Variants in SLBP observed in about 807,000 individuals in gnomAD.
SLBP encodes the protein stem-loop histone mRNA binding protein.
A neutral mutation model predicts 39.2 loss-of-function variants in SLBP; 29 were observed. The ratio of observed to expected loss-of-function variants is 0.74; its 90% CI spans 0.55 to 1.01. The LOEUF (loss-of-function observed/expected upper bound fraction) is 1.01, where lower values mean the gene tolerates loss of function less well. SLBP is among the 50% of genes least tolerant of loss of function. The pLI is 0.00. For missense variants in SLBP, 390 were observed against 350.2 expected (o/e 1.11, Z -0.91); for synonymous variants, 129 against 118.7 (o/e 1.09, Z -0.57).
intron 6 of SLBP, 66 bp from the exon 7 acceptor site, chr4:1,694,906 C>G (rs557103705): frequency 9.4e-7 from 1 of 1,061,906 alleles, no homozygotes; most frequent in East Asian, 2.4e-5. Flanking sequence ...CGGGGCGCTA[C>G]AGACAAACCC....
At chr4:1,705,134 C>T (rs1275697675) in intron 2 of SLBP, among the ~76,000 whole-genome samples, 1 of 152,132 alleles carries the variant, frequency 6.6e-6, no homozygotes, top group African/African-American at 2.4e-5. Context: ...TCCATGTTGG[C>T]CAGGCTGGTC....
intron 5 of SLBP, among the ~76,000 whole-genome samples, chr4:1,697,332 G>C (rs1172246643): frequency 6.6e-6 from 1 of 151,442 alleles, no homozygotes; most frequent in African/African-American, 2.4e-5. Flanking sequence ...AGCCAGGCGT[G>C]GTGGTAGACA....
intron 2 of SLBP, among the ~76,000 whole-genome samples, chr4:1,704,435 T>G (rs1307916324): frequency 1.3e-5 from 2 of 152,326 alleles, no homozygotes; most frequent in South Asian, 2.1e-4. Context: ...TTAATTTGTC[T>G]CTATGCCATT....
At chr4:1,705,211 G>C (rs933059176) in intron 2 of SLBP, among the ~76,000 whole-genome samples, 11 of 152,122 alleles carry the variant, frequency 7.2e-5, no homozygotes, top group African/African-American at 2.7e-4. Context: ...ATAGCTGTGA[G>C]CCACCGTACC....
intron 5 of SLBP, among the ~76,000 whole-genome samples, chr4:1,698,793 A>AT (rs201493261): frequency 0.018 from 2,693 of 146,388 alleles, 39 homozygotes; most frequent in Middle Eastern, 0.029. Context: ...CAAAAGTAAA[A>AT]TTTTTTTTTT....
intron 2 of SLBP, among the ~76,000 whole-genome samples, chr4:1,710,395 AAGGCTTG>A (rs1489985904): frequency 1.2e-4 from 19 of 152,342 alleles, no homozygotes; most frequent in Admixed American, 1.2e-3. Context: ...TTCAGACCTA[AAGGCTTG>A]AGTCATTCTT....
At chr4:1,707,543 G>A (rs907776240) in intron 2 of SLBP, among the ~76,000 whole-genome samples, 1 of 151,898 alleles carries the variant, frequency 6.6e-6, no homozygotes, top group Admixed American at 6.6e-5. Flanking sequence ...TTAAGGCTTC[G>A]AGCCCCAAAT....
In SLBP at chr4:1,712,220, C is replaced by CGAGGCT; in HGVS notation, c.-38_-33dup. The CGAGGCT allele has an allele frequency of 8.0e-7, 1 of 1,245,204 alleles. No individual in the cohort carries two copies. Among genetic ancestry groups the CGAGGCT allele is most frequent in the Non-Finnish European group, 1.0e-6 (1 of 984,848 alleles). The allele number at this position is 1,245,204 out of a possible 1,614,324, so 77.1% of individuals were successfully genotyped here. On this transcript the variant is annotated 5_prime_UTR_variant, in exon 1 of 8. Transcript: ENST00000489418. ...ACGGGCCGGGCGCGCAGCGCAGGGC[C>CGAGGCT]GAGGCTGAGGCGGCGGCGGCGCGGG...
At chr4:1,709,320 G>C (rs956552032) in intron 2 of SLBP, among the ~76,000 whole-genome samples, 2 of 152,210 alleles carry the variant, frequency 1.3e-5, no homozygotes, top group African/African-American at 4.8e-5. Context: ...ACAGTAAGTT[G>C]TGAAAAGCCA....
chr4:1,696,479 AT>A (rs1243027665), intron 5 of SLBP, 128 bp from the exon 6 acceptor site: 4 of 774,526 alleles, frequency 5.2e-6, no homozygotes, highest in African/African-American at 1.8e-5. Context: ...ATGGTGGCTC[AT>A]GCCTGTAATC....
chr4:1,702,811 T>A (rs1380455598), intron 3 of SLBP, among the ~76,000 whole-genome samples: 1 of 152,174 alleles, frequency 6.6e-6, no homozygotes, highest in Admixed American at 6.5e-5. Context: ...CCTTTCCTTG[T>A]ATGTTGGCAT....
intron 2 of SLBP, among the ~76,000 whole-genome samples, chr4:1,706,343 A>G (rs1189606561): frequency 6.6e-6 from 1 of 152,202 alleles, no homozygotes; most frequent in Non-Finnish European, 1.5e-5. Flanking sequence ...CATGTAATTA[A>G]TAATTCAGAA....
intron 2 of SLBP, among the ~76,000 whole-genome samples, chr4:1,709,634 C>T (rs1424372430): frequency 6.9e-6 from 1 of 144,036 alleles, no homozygotes. Flanking sequence ...TTTTTTGAGA[C>T]GGAGTCTCGC....
At chr4:1,706,899 G>A (rs371839656) in intron 2 of SLBP, among the ~76,000 whole-genome samples, 137 of 151,300 alleles carry the variant, frequency 9.1e-4, no homozygotes, top group African/African-American at 2.8e-3. Context: ...TTGGGAGGCC[G>A]AGGTAGGTAG....
chr4:1,703,633 C>T lies in SLBP; in HGVS notation c.244G>A (p.Asp82Asn), dbSNP rs749113394. 6.8e-6 allele frequency: 11 copies of T among 1,613,846 alleles called. No individual in the cohort carries two copies. Among genetic ancestry groups the T allele is most frequent in the Non-Finnish European group, 9.3e-6 (11 of 1,179,688 alleles). The change falls in exon 3 of 8, where the codon GAT becomes AAT. Residue 82 changes from aspartate to asparagine, a missense_variant. Transcript: ENST00000489418. ...TTGTTAACTCTGGTCCTCATTTCAT[C>T]TTCTTCAACTGCACTTGCCCAGTCA... ...CSDWASAVEEDEMRTRVNKEM... is the reference protein window; with the variant it reads ...CSDWASAVEENEMRTRVNKEM...
intron 3 of SLBP, among the ~76,000 whole-genome samples, chr4:1,702,337 T>C (rs985143399): frequency 6.6e-6 from 1 of 152,230 alleles, no homozygotes; most frequent in African/African-American, 2.4e-5. Context: ...CACATTTTGA[T>C]ACCAGAAGAA....
intron 2 of SLBP, among the ~76,000 whole-genome samples, chr4:1,706,725 G>C (rs1716530202): frequency 6.6e-6 from 1 of 152,180 alleles, no homozygotes; most frequent in African/African-American, 2.4e-5. Flanking sequence ...AGAATCCCTT[G>C]GACCCAGGAG....
intron 5 of SLBP, among the ~76,000 whole-genome samples, chr4:1,696,748 AT>A (rs1337216268): frequency 6.6e-6 from 1 of 151,900 alleles, no homozygotes; most frequent in African/African-American, 2.4e-5. Flanking sequence ...AAATGCAAAA[AT>A]TAGCCGGGCG....
rs1232642079 is a variant in SLBP at position 1,712,245 on chromosome 4, G to A, written c.-57C>T. The A allele has an allele frequency of 5.6e-6, 6 of 1,066,574 alleles. No individual in the cohort carries two copies. Among genetic ancestry groups the A allele is most frequent in the African/African-American group, 1.7e-5 (1 of 59,416 alleles). 66.1% of individuals were successfully genotyped at this position (1,066,574 alleles called of 1,614,324 possible). A position where few individuals can be genotyped will look rare whatever the true frequency, so the allele number is the denominator to read the frequency against. ...CGAGGCTGAGGCGGCGGCGGCGCGG[G>A]CAGAGAGCGCAGAGTAGAGCAGGGC... On this transcript the variant is annotated 5_prime_UTR_variant, in exon 1 of 8. Coordinates refer to ENST00000489418, the MANE Select transcript of SLBP (RefSeq NM_006527.4).
Sources: gnomAD v4.1 joint callset for allele counts (sites outside exome capture counted in the v4.1 genomes callset) on GRCh38, gnomAD v4.1.1 for gene constraint, MANE v1.5 for transcripts, NCBI Gene and HGNC (gene_info 2026-07-23, HGNC 2026-07-21) for gene names.